The following PSAT1 variants were observed in gnomAD, a reference collection of about 807,000 sequenced individuals.
The protein encoded by PSAT1 is phosphoserine aminotransferase.
In PSAT1, 41 loss-of-function variants were observed where a neutral mutation model predicts 40.3. The ratio of observed to expected loss-of-function variants is 1.02; its 90% CI spans 0.79 to 1.32. The LOEUF (loss-of-function observed/expected upper bound fraction) is 1.32, where lower values mean the gene tolerates loss of function less well. Ranked by LOEUF, PSAT1 falls within the 40% of genes most tolerant of loss-of-function variation. The pLI, the probability that PSAT1 is intolerant of heterozygous loss-of-function variation, is 0.00. For synonymous variants in PSAT1, 147 were observed against 170.5 expected (o/e 0.86, Z 1.07); for missense variants, 406 against 455.8 (o/e 0.89, Z 0.99).
chr9:78,300,710 C>A (rs997426048), intron 2 of PSAT1, 48 bp downstream of exon 2: 3 of 1,107,138 alleles, frequency 2.7e-6, no homozygotes, highest in Non-Finnish European at 3.4e-6. Context: ...TCAAAGGAAG[C>A]TTTTTTTTTT....
chr9:78,328,378 G>A (rs1183165945), intron 8 of PSAT1, among the ~76,000 whole-genome samples, 190 bp downstream of exon 8: 1 of 152,148 alleles, frequency 6.6e-6, no homozygotes, highest in Non-Finnish European at 1.5e-5. Flanking sequence ...TTCCCCAGCT[G>A]AGAGTATAAT....
chr9:78,326,386 A>G (rs1828497580), intron 7 of PSAT1, among the ~76,000 whole-genome samples: 1 of 152,090 alleles, frequency 6.6e-6, no homozygotes, highest in Non-Finnish European at 1.5e-5. Flanking sequence ...TGCCAGTGAA[A>G]AATAATTTTG....
chr9:78,320,929 C>T (rs60810243), intron 7 of PSAT1, among the ~76,000 whole-genome samples: 10,606 of 152,008 alleles, frequency 0.07, 476 homozygotes, highest in Middle Eastern at 0.11. Context: ...ACAGAAAGAA[C>T]GGTGATACCA....
intron 7 of PSAT1, among the ~76,000 whole-genome samples, chr9:78,325,802 G>A (rs553768861): frequency 1.3e-5 from 2 of 152,300 alleles, no homozygotes; most frequent in African/African-American, 4.8e-5. Context: ...TGACAATTTA[G>A]TCTTTAATTT....
Position 78,328,140 on chromosome 9 carries a change from T to G in PSAT1, c.959T>G (p.Phe320Cys). 6.2e-7 allele frequency: 1 copy of G among 1,613,500 alleles called. No homozygotes were observed. Among genetic ancestry groups the G allele is most frequent in the South Asian group, 1.1e-5 (1 of 91,046 alleles). The change falls in exon 8 of 9, where the codon TTT becomes TGT. Residue 320 changes from phenylalanine to cysteine, a missense_variant. Physicochemically the swap from Phe to Cys is radical, Grantham distance 205 (BLOSUM62 -2). Coordinates refer to ENST00000376588, the MANE Select transcript of PSAT1 (RefSeq NM_058179.4). ...AKGDDALEKR[F>C]LDKALELNML... The stretch of plus-strand genomic sequence containing the variant: ...GGAGATGATGCTTTAGAAAAAAGAT[T>G]TCTTGATAAAGCTCTTGAACTCAAT...
chr9:78,305,066 G>C (rs924117161), intron 4 of PSAT1, 126 bp downstream of exon 4: 21 of 860,108 alleles, frequency 2.4e-5, no homozygotes, highest in Non-Finnish European at 4.0e-5. Flanking sequence ...TTTAGATTGG[G>C]TGGCTGTACT....
intron 3 of PSAT1, among the ~76,000 whole-genome samples, 174 bp downstream of exon 3, chr9:78,302,197 C>T (rs73451046): frequency 1.1e-3 from 162 of 152,192 alleles, no homozygotes; most frequent in African/African-American, 3.7e-3. Flanking sequence ...TATTTGTTCC[C>T]CATCCCGTGT....
chr9:78,329,232 A>G lies in PSAT1; in HGVS notation c.*146A>G, dbSNP rs1828546165. The G allele has an allele frequency of 3.0e-6, 2 of 676,548 alleles. No homozygotes were observed. The highest frequency in any genetic ancestry group is 5.3e-6 in the Non-Finnish European group (2 of 376,418). 41.9% of individuals were successfully genotyped at this position (676,548 alleles called of 1,614,324 possible). ...CTTCTTTTTTGAAAGAACAACAGCA[A>G]AACATCCACAACTCTGTAAAGCTGG... On this transcript the variant is annotated 3_prime_UTR_variant, in exon 9 of 9. Transcript: ENST00000376588.
intron 6 of PSAT1, among the ~76,000 whole-genome samples, chr9:78,316,912 A>G (rs1328990190): frequency 6.6e-6 from 1 of 150,806 alleles, no homozygotes; most frequent in Non-Finnish European, 1.5e-5. Flanking sequence ...GCCAAACAAC[A>G]GGCACACAGA....
At chr9:78,298,420 T>G in intron 1 of PSAT1, 1 of 985,394 alleles carries the variant, frequency 1.0e-6, no homozygotes, top group Non-Finnish European at 1.2e-6. Flanking sequence ...AATCCAATTT[T>G]AAAGGGGAAA....
At chr9:78,317,278 G>T (rs1828358940) in intron 6 of PSAT1, among the ~76,000 whole-genome samples, 1 of 151,896 alleles carries the variant, frequency 6.6e-6, no homozygotes, top group South Asian at 2.1e-4. Flanking sequence ...TTGGAGACAG[G>T]ATCTCGCTCT....
intron 7 of PSAT1, among the ~76,000 whole-genome samples, chr9:78,326,197 C>T (rs1828495391): frequency 6.6e-6 from 1 of 152,130 alleles, no homozygotes; most frequent in Admixed American, 6.5e-5. Context: ...GATGTGCCCT[C>T]AGGGGGCCTC....
intron 4 of PSAT1, among the ~76,000 whole-genome samples, chr9:78,305,349 A>G (rs1828165864): frequency 6.6e-6 from 1 of 152,218 alleles, no homozygotes; most frequent in Non-Finnish European, 1.5e-5. Context: ...TCCTGACCTC[A>G]GGTGATCCGC....
At chr9:78,328,009 A>G (rs1022069915) in intron 7 of PSAT1, 42 bp from the exon 8 acceptor site, 2 of 1,594,940 alleles carry the variant, frequency 1.3e-6, no homozygotes, top group African/African-American at 2.7e-5. Flanking sequence ...GACAACCCAT[A>G]CATTTCAGAA....
chr9:78,304,071 A>G (rs1047745200), intron 3 of PSAT1, among the ~76,000 whole-genome samples: 1 of 152,220 alleles, frequency 6.6e-6, no homozygotes, highest in Non-Finnish European at 1.5e-5. Context: ...CACCTGGTTC[A>G]TAGCATGTTG....
intron 7 of PSAT1, among the ~76,000 whole-genome samples, chr9:78,318,221 A>C (rs1265873332): frequency 1.3e-5 from 2 of 152,154 alleles, no homozygotes; most frequent in Non-Finnish European, 1.5e-5. Flanking sequence ...CTTCTGCGTT[A>C]TTTCCCTTTT....
intron 6 of PSAT1, among the ~76,000 whole-genome samples, chr9:78,317,440 C>T (rs72745645): frequency 0.012 from 1,828 of 152,210 alleles, 19 homozygotes; most frequent in South Asian, 0.037. Context: ...TTTATGGAGA[C>T]GGGTCTTGCT....
rs1053347803 is a variant in PSAT1 at position 78,306,340 on chromosome 9, C to T, written c.424C>T (p.Leu142Phe). The part of the protein sequence containing the change: ...TKIPDPSTWN[L>F]NPDASYVYYC... The stretch of plus-strand genomic sequence containing the variant: ...AATTCCAGATCCAAGCACCTGGAAC[C>T]TCAACCCAGATGCCTCCTACGTGTA... Residue 142 changes from leucine (L) to phenylalanine (F), a missense_variant, in exon 5 of 9, where the codon CTC (leucine) becomes TTC (phenylalanine). Transcript: ENST00000376588. 1 of 1,612,402 alleles carries T rather than the reference C, an allele frequency of 6.2e-7. No homozygotes were observed.
Position 78,297,348 on chromosome 9 carries a change from T to A in PSAT1, c.60+78T>A, listed in dbSNP as rs892141910. 3.4e-6 allele frequency: 5 copies of A among 1,485,384 alleles called. No homozygotes were observed. In the Admixed American group the frequency reaches 9.7e-5, roughly 29 times the overall value. 92.0% of individuals were successfully genotyped at this position (1,485,384 alleles called of 1,614,324 possible). On this transcript the variant is annotated intron_variant, in intron 1 of 8. Transcript: ENST00000376588. ...GCGGGTGGGTTTGCATCCCTGCGTGTGGCAGTCGGATTCCCGCTCCCTGCC... is the reference window on the plus strand; with the variant it reads ...GCGGGTGGGTTTGCATCCCTGCGTGAGGCAGTCGGATTCCCGCTCCCTGCC...
Sources: allele counts gnomAD v4.1 joint callset (sites outside exome capture counted in the v4.1 genomes callset), GRCh38; gene constraint gnomAD v4.1.1; transcripts MANE v1.5; gene names NCBI Gene and HGNC (gene_info 2026-07-23, HGNC 2026-07-21).